MBNL1: variants seen among roughly 807,000 people sequenced by gnomAD.
MBNL1 encodes muscleblind-like protein 1.
MBNL1 carries 8 observed loss-of-function variants against 42.2 expected under a neutral mutation model. The ratio of observed to expected loss-of-function variants is 0.19; its 90% confidence interval spans 0.11 to 0.34. The LOEUF (loss-of-function observed/expected upper bound fraction) is 0.34, where lower values mean the gene tolerates loss of function less well. Ranked by LOEUF, MBNL1 falls within the 10% of genes least tolerant of loss-of-function variation. MBNL1 has a pLI of 1.00. For synonymous variants in MBNL1, 169 were observed against 173.9 expected, an observed-to-expected ratio of 0.97 and a Z score of 0.22; for missense variants, 309 against 495.3, an observed-to-expected ratio of 0.62 and a Z score of 3.57.
At chr3:152,423,880 C>T (rs1221634180) in intron 3 of MBNL1, among the ~76,000 whole-genome samples, 1 of 152,172 alleles carries the variant, frequency 6.6e-6, no homozygotes, top group Non-Finnish European at 1.5e-5. Flanking sequence ...TAAAATTCAA[C>T]ATCCCTTCAT....
chr3:152,440,088 G>A (rs1035338189), intron 4 of MBNL1, among the ~76,000 whole-genome samples: 38 of 152,220 alleles, frequency 2.5e-4, no homozygotes, highest in African/African-American at 8.4e-4. Flanking sequence ...TCTTAGTTCT[G>A]TTACCTATAG....
At chr3:152,287,925 AT>A (rs2053519949) in intron 1 of MBNL1, among the ~76,000 whole-genome samples, 1 of 152,186 alleles carries the variant, frequency 6.6e-6, no homozygotes, top group African/African-American at 2.4e-5. Flanking sequence ...AGAAAAAGAT[AT>A]TGTTTTCTAT....
At chr3:152,296,181 G>A (rs1229052192) in intron 1 of MBNL1, among the ~76,000 whole-genome samples, 3 of 152,148 alleles carry the variant, frequency 2.0e-5, no homozygotes, top group African/African-American at 7.2e-5. Context: ...TTAGGGAGAG[G>A]AGGATGCTAG....
At position 152,464,060 on chromosome 3, in the gene MBNL1, G is replaced by T. The variant is rs1318271747; in HGVS notation, c.*1694G>T. The T allele has an allele frequency of 6.6e-6, 1 of 152,492 alleles. No homozygotes were observed. Among genetic ancestry groups the T allele is most frequent in the African/African-American group, 2.4e-5 (1 of 41,404 alleles). The allele number at this position is 152,492 out of a possible 1,614,324, so 9.4% of individuals were successfully genotyped here. On this transcript the variant is annotated 3_prime_UTR_variant, in exon 10 of 10. Coordinates refer to ENST00000324210, the MANE Select transcript of MBNL1 (RefSeq NM_021038.5). The stretch of plus-strand genomic sequence containing the variant: ...TTTCAATCGTGTTAAGAAAGTAATG[G>T]TGACTTCACATGTTATTGTAGTTAG...
chr3:152,413,425 A>G (rs1271992453), intron 2 of MBNL1, among the ~76,000 whole-genome samples: 3 of 152,178 alleles, frequency 2.0e-5, no homozygotes, highest in African/African-American at 7.2e-5. Context: ...GATGAGTAAG[A>G]GAGCTAGGCC....
intron 2 of MBNL1, among the ~76,000 whole-genome samples, chr3:152,369,718 T>C (rs147343686): frequency 1.6e-4 from 24 of 152,334 alleles, no homozygotes; most frequent in Admixed American, 7.2e-4. Flanking sequence ...GGGATTTGAC[T>C]TCTTTCTGGT....
At chr3:152,375,321 A>T (rs2096851216) in intron 2 of MBNL1, among the ~76,000 whole-genome samples, 1 of 152,244 alleles carries the variant, frequency 6.6e-6, no homozygotes, top group African/African-American at 2.4e-5. Flanking sequence ...AATTCCATTG[A>T]AATCATAAAT....
At chr3:152,447,854 AGTTT>A in intron 6 of MBNL1, 81 bp downstream of exon 6, 1 of 1,315,542 alleles carries the variant, frequency 7.6e-7, no homozygotes, top group Non-Finnish European at 1.0e-6. Flanking sequence ...CCACACCCCA[AGTTT>A]GTTTGTAATT....
At chr3:152,360,586 G>A (rs2095859204) in intron 2 of MBNL1, among the ~76,000 whole-genome samples, 1 of 151,740 alleles carries the variant, frequency 6.6e-6, no homozygotes, top group African/African-American at 2.4e-5. Context: ...GCCTGATTGG[G>A]GGTTCTTCTC....
chr3:152,459,286 G>A lies in MBNL1; in HGVS notation c.1108G>A (p.Ala370Thr). ...TATTTGCTAGATACCCATAATATCT[G>A]CCGAACATCTGACTAGCCACAAGTA... ...ATANQIPIIS[A>T]EHLTSHKYVT... The change falls in exon 9 of 10, where the codon GCC (alanine) becomes ACC (threonine). Residue 370 changes from alanine (A) to threonine (T), a missense_variant. By Grantham distance (58) the Ala-to-Thr change is moderately conservative. Transcript: ENST00000324210. The A allele has an allele frequency of 6.3e-7, 1 of 1,583,712 alleles. No homozygotes were observed. The highest frequency in any genetic ancestry group is 1.2e-5 in the South Asian group (1 of 85,800).
At chr3:152,453,344 T>C (rs573233462) in intron 6 of MBNL1, among the ~76,000 whole-genome samples, 2 of 152,328 alleles carry the variant, frequency 1.3e-5, no homozygotes, top group African/African-American at 2.4e-5. Context: ...TAGTTTTTCC[T>C]ACATTTTCAT....
chr3:152,397,878 A>G lies in MBNL1; in HGVS notation c.175-17063A>G, dbSNP rs991782768. Among the ~76,000 whole-genome samples the G allele has an allele frequency of 9.2e-5, 14 of 152,262 alleles. No individual in the cohort carries two copies. The East Asian group carries it at 1.4e-3, about 15-fold the overall frequency. The stretch of plus-strand genomic sequence containing the variant: ...GAATACTGGTTTTAGAAGAAATTCT[A>G]TTTTGTTTGTGTAATCAGTTCATTT... On this transcript the variant is annotated intron_variant, in intron 2 of 9. Transcript: ENST00000324210.
rs375716766 is a variant in MBNL1, at chr3:152,271,238, C to T, written c.-790+2146C>T. ...ATTTTGATTCCAACATTCTGTTCTT[C>T]CTTTGGGCACAGAATTCCTATGAAA... On this transcript the variant is annotated intron_variant, in intron 1 of 9. Coordinates refer to ENST00000324210, the MANE Select transcript of MBNL1 (RefSeq NM_021038.5). 2.5e-4 allele frequency among the ~76,000 whole-genome samples: 38 copies of T among 152,152 alleles called. 1 individual carries two copies. Among genetic ancestry groups the T allele is most frequent in the East Asian group, 1.3e-3 (7 of 5,198 alleles).
At chr3:152,408,155 A>C (rs888500194) in intron 2 of MBNL1, among the ~76,000 whole-genome samples, 11 of 152,178 alleles carry the variant, frequency 7.2e-5, no homozygotes, top group African/African-American at 2.7e-4. Context: ...AAAACAAAAA[A>C]CAATAGTGTT....
intron 2 of MBNL1, among the ~76,000 whole-genome samples, chr3:152,388,279 A>G (rs1469829830): frequency 2.0e-5 from 3 of 152,208 alleles, no homozygotes; most frequent in Admixed American, 6.5e-5. Flanking sequence ...CATATAAGCC[A>G]TAACTATGGT....
intron 2 of MBNL1, among the ~76,000 whole-genome samples, chr3:152,322,305 G>A (rs898985635): frequency 2.6e-5 from 4 of 151,870 alleles, no homozygotes; most frequent in African/African-American, 4.8e-5. Flanking sequence ...CATCACCAGC[G>A]TTCATAGCTC....
chr3:152,359,898 C>G (rs968294373), intron 2 of MBNL1, among the ~76,000 whole-genome samples: 1 of 152,282 alleles, frequency 6.6e-6, no homozygotes, highest in Middle Eastern at 3.4e-3. Context: ...ACCAGTCTCA[C>G]TATAAAATAC....
chr3:152,413,448 C>T (rs2098635646), intron 2 of MBNL1, among the ~76,000 whole-genome samples: 1 of 152,198 alleles, frequency 6.6e-6, no homozygotes. Flanking sequence ...TGTCCCAGCT[C>T]ATGAGACCTG....
At chr3:152,373,694 A>G (rs1000669643) in intron 2 of MBNL1, among the ~76,000 whole-genome samples, 1 of 152,172 alleles carries the variant, frequency 6.6e-6, no homozygotes, top group Non-Finnish European at 1.5e-5. Context: ...TTGGAAATGC[A>G]GAAATCACCC....
Sources: allele counts gnomAD v4.1 joint callset (sites outside exome capture counted in the v4.1 genomes callset), GRCh38; gene constraint gnomAD v4.1.1; transcripts MANE v1.5; gene names NCBI Gene and HGNC (gene_info 2026-07-23, HGNC 2026-07-21).